Variants in SLC5A12 observed in about 807,000 individuals in gnomAD.
The protein encoded by SLC5A12 is solute carrier family 5 member 12, also known as sodium-coupled monocarboxylate transporter 2.
A neutral mutation model predicts 72.7 loss-of-function variants in SLC5A12; 46 were observed. The observed-to-expected ratio is 0.63, with a 90% confidence interval of 0.50 to 0.81. SLC5A12 has a LOEUF of 0.81. SLC5A12 is among the 30% of genes least tolerant of loss of function. The probability of loss-of-function intolerance (pLI) is 0.00; values close to 1 mark genes in which losing one functional copy is unlikely to be tolerated. For synonymous variants in SLC5A12, 275 were observed against 264.4 expected, an observed-to-expected ratio of 1.04 and a Z score of -0.39; for missense variants, 683 against 740.7, an observed-to-expected ratio of 0.92 and a Z score of 0.90.
chr11:26,721,180 C>T (rs1225140954), intron 1 of SLC5A12, among the ~76,000 whole-genome samples, 196 bp downstream of exon 1: 2 of 152,172 alleles, frequency 1.3e-5, no homozygotes, highest in African/African-American at 2.4e-5. Flanking sequence ...GTGGGATTGT[C>T]ATCATTATTT....
At chr11:26,671,386 A>G in intron 14 of SLC5A12, 135 bp from the exon 15 acceptor site, 1 of 603,694 alleles carries the variant, frequency 1.7e-6, no homozygotes. Context: ...ACTCTGACCT[A>G]AGACATTTTC....
intron 9 of SLC5A12, among the ~76,000 whole-genome samples, chr11:26,688,874 G>A (rs1036088660): frequency 6.6e-5 from 10 of 152,042 alleles, no homozygotes; most frequent in Non-Finnish European, 5.9e-5. Flanking sequence ...ATGGAAACAC[G>A]TACACAAGAA....
chr11:26,680,568 T>C (rs978501913), intron 12 of SLC5A12, among the ~76,000 whole-genome samples: 5 of 151,660 alleles, frequency 3.3e-5, no homozygotes, highest in African/African-American at 9.7e-5. Context: ...TAGTATCTGA[T>C]GTATTTTGAT....
Position 26,703,815 on chromosome 11 carries a change from C to A in SLC5A12, c.658G>T (p.Gly220Ter), listed in dbSNP as rs2133196738. 1 of 1,613,832 alleles carries A rather than the reference C, an allele frequency of 6.2e-7. No individual in the cohort carries two copies. The highest frequency in any genetic ancestry group is 1.3e-5 in the African/African-American group (1 of 74,988). The change falls in exon 5 of 15, where the codon GGA (glycine) becomes TGA (stop). Residue 220 changes from glycine (G) to a stop codon, truncating the protein, a stop_gained. Transcript: ENST00000396005. LOFTEE classifies it high-confidence loss of function. ...FHNVLEQSTN[G>*]SRLHIFDFDV... ...TACTCAAATATATGTAGTCGAGATC[C>A]ATTTGTTGATTGCTCTAATACATTG...
intron 12 of SLC5A12, among the ~76,000 whole-genome samples, chr11:26,680,483 G>A (rs536821832): frequency 1.3e-5 from 2 of 149,530 alleles, no homozygotes; most frequent in Non-Finnish European, 3.0e-5. Context: ...AAGATACAGA[G>A]GGAATAAATT....
intron 1 of SLC5A12, among the ~76,000 whole-genome samples, chr11:26,714,331 T>C (rs1450594516): frequency 6.6e-6 from 1 of 152,106 alleles, no homozygotes; most frequent in Non-Finnish European, 1.5e-5. Flanking sequence ...GATAAGCAAA[T>C]ATGATATAGT....
chr11:26,719,473 G>A (rs11029686), intron 1 of SLC5A12, among the ~76,000 whole-genome samples: 4,933 of 152,130 alleles, frequency 0.032, 190 homozygotes, highest in African/African-American at 0.093. Flanking sequence ...TGCTCCCTCT[G>A]TGTGGCACTA....
intron 4 of SLC5A12, 82 bp from the exon 5 acceptor site, chr11:26,704,029 G>T: frequency 7.0e-7 from 1 of 1,435,468 alleles, no homozygotes; most frequent in Non-Finnish European, 9.6e-7. Flanking sequence ...GCTAATGCAT[G>T]CATGCATTCT....
chr11:26,696,727 G>C (rs1011888197), intron 8 of SLC5A12, among the ~76,000 whole-genome samples: 4 of 152,150 alleles, frequency 2.6e-5, no homozygotes, highest in Non-Finnish European at 5.9e-5. Flanking sequence ...CATATATGCA[G>C]TCCATCATTG....
In SLC5A12 at chr11:26,721,379, A is replaced by G. The variant is rs780510210; in HGVS notation, c.336T>C (p.Tyr112=). ...AAGAATGGAGAAATCATCTTACCTC[A>G]TAAGTGCTGGTGATACCAGATCTGT... ...VFYRSGITST[Y]EYLQLRFNKP... The change falls in exon 1 of 15, where the codon TAT becomes TAC. Residue 112 remains tyrosine, a synonymous_variant. Coordinates refer to ENST00000396005, the MANE Select transcript of SLC5A12 (RefSeq NM_178498.4). The G allele has an allele frequency of 7.2e-5, 115 of 1,593,252 alleles. 4 individuals carry two copies. In the South Asian group the frequency reaches 1.1e-3, roughly 15 times the overall value.
At chr11:26,702,658 C>T (rs1288695120) in intron 6 of SLC5A12, among the ~76,000 whole-genome samples, 1 of 152,102 alleles carries the variant, frequency 6.6e-6, no homozygotes, top group African/African-American at 2.4e-5. Context: ...TGTGCCTCTG[C>T]TTGTATCCTT....
chr11:26,711,325 C>A lies in SLC5A12; in HGVS notation c.439G>T (p.Ala147Ser). The A allele has an allele frequency of 6.2e-7, 1 of 1,611,904 alleles. No homozygotes were observed. Among genetic ancestry groups the A allele is most frequent in the Admixed American group, 1.7e-5 (1 of 59,794 alleles). Reference protein sequence around the residue: ...LYTGVVVYAPALALNQVTGFD... With the variant: ...LYTGVVVYAPSLALNQVTGFD... Reference sequence around the variant, plus strand: ...AACTCACCTTGATTGAGTGCCAGGGCAGGAGCATACACCACCACTCCTGTG... The same window carrying A: ...AACTCACCTTGATTGAGTGCCAGGGAAGGAGCATACACCACCACTCCTGTG... Residue 147 changes from alanine to serine, a missense_variant, in exon 3 of 15, where the codon GCC (alanine) becomes TCC (serine). Ala to Ser is a moderately conservative substitution (Grantham distance 99, BLOSUM62 1). Coordinates refer to ENST00000396005, the MANE Select transcript of SLC5A12 (RefSeq NM_178498.4).
chr11:26,684,813 T>C (rs566467629), intron 10 of SLC5A12, among the ~76,000 whole-genome samples: 2 of 152,192 alleles, frequency 1.3e-5, no homozygotes, highest in East Asian at 1.9e-4. Context: ...AAATCACCAG[T>C]TGGACATGAT....
At chr11:26,681,270 T>C (rs1854406893) in intron 11 of SLC5A12, 49 bp from the exon 12 acceptor site, 4 of 1,459,186 alleles carry the variant, frequency 2.7e-6, no homozygotes, top group South Asian at 1.4e-5. Flanking sequence ...AAGCTGTCTA[T>C]GGAAAGAATA....
intron 8 of SLC5A12, among the ~76,000 whole-genome samples, chr11:26,696,744 A>C (rs1266842605): frequency 6.6e-6 from 1 of 152,198 alleles, no homozygotes; most frequent in Non-Finnish European, 1.5e-5. Flanking sequence ...ATTGACTGAA[A>C]TGTCATGTGG....
intron 10 of SLC5A12, 84 bp downstream of exon 10, chr11:26,686,393 A>T: frequency 8.1e-7 from 1 of 1,233,034 alleles, no homozygotes; most frequent in East Asian, 2.3e-5. Flanking sequence ...CAGCCTTTGG[A>T]TCTTGGAGGA....
chr11:26,677,915 C>A (rs1854301519), intron 13 of SLC5A12, among the ~76,000 whole-genome samples: 1 of 152,098 alleles, frequency 6.6e-6, no homozygotes, highest in African/African-American at 2.4e-5. Context: ...GGTGGAGGGA[C>A]AAGAGTACAG....
rs916087961 is a variant in SLC5A12 at position 26,695,815 on chromosome 11, T to C, written c.1040+1349A>G. On this transcript the variant is annotated intron_variant, in intron 8 of 14. Coordinates refer to ENST00000396005, the MANE Select transcript of SLC5A12 (RefSeq NM_178498.4). The stretch of plus-strand genomic sequence containing the variant: ...CACTTCATAAAGGCTTGTTGTGATC[T>C]GATCCTTGCTCACCTCTTCTAACTC... 3.9e-5 allele frequency among the ~76,000 whole-genome samples: 6 copies of C among 152,280 alleles called. No individual in the cohort carries two copies. The East Asian group carries it at 1.2e-3, about 29-fold the overall frequency.
chr11:26,679,905 G>A (rs1366047285), intron 12 of SLC5A12, among the ~76,000 whole-genome samples: 1 of 151,892 alleles, frequency 6.6e-6, no homozygotes, highest in Non-Finnish European at 1.5e-5. Flanking sequence ...GGATAGAATG[G>A]GTTGTATTAG....
Sources: gnomAD v4.1 joint callset for allele counts (sites outside exome capture counted in the v4.1 genomes callset) on GRCh38, gnomAD v4.1.1 for gene constraint, MANE v1.5 for transcripts, NCBI Gene and HGNC (gene_info 2026-07-23, HGNC 2026-07-21) for gene names.